COG5: variants seen among roughly 807,000 people sequenced by gnomAD.
COG5 encodes conserved oligomeric Golgi complex subunit 5.
In COG5, 86 loss-of-function variants were observed where a neutral mutation model predicts 110.4. The ratio of observed to expected loss-of-function variants is 0.78; its 90% CI spans 0.65 to 0.93. The LOEUF is 0.93. Ranked by LOEUF, COG5 falls within the 40% of genes least tolerant of loss-of-function variation. The pLI is 0.00. For synonymous variants in COG5, 360 were observed against 334.6 expected, an observed-to-expected ratio of 1.08 and a Z score of -0.83; for missense variants, 1,077 against 987.0, an observed-to-expected ratio of 1.09 and a Z score of -1.22.
chr7:107,376,496 C>T (rs1435191518), intron 7 of COG5, among the ~76,000 whole-genome samples: 2 of 151,598 alleles, frequency 1.3e-5, no homozygotes, highest in African/African-American at 4.8e-5. Context: ...TCTTATATAT[C>T]TTTAGTTTAA....
rs184227560 is a variant in COG5 at position 107,439,072 on chromosome 7, C to T, written c.539-26440G>A. ...TCTTCTCTTCTAATGATCCTGTGTT[C>T]AACCCAATTTCTGCTACCCAATCCC... On this transcript the variant is annotated intron_variant, in intron 6 of 21. Transcript: ENST00000297135. Among the ~76,000 whole-genome samples, 69 of 152,212 alleles carry T rather than the reference C, an allele frequency of 4.5e-4. 1 individual carries two copies. The highest frequency in any genetic ancestry group is 1.3e-4 in the Non-Finnish European group (9 of 68,016).
At chr7:107,543,789 G>A (rs1391004245) in intron 5 of COG5, among the ~76,000 whole-genome samples, 2 of 152,070 alleles carry the variant, frequency 1.3e-5, no homozygotes, top group Non-Finnish European at 2.9e-5. Context: ...CACATTCCAA[G>A]TCAGCCCCTG....
chr7:107,345,638 G>A (rs899429097), intron 10 of COG5, among the ~76,000 whole-genome samples: 26 of 152,240 alleles, frequency 1.7e-4, no homozygotes, highest in South Asian at 4.2e-4. Flanking sequence ...GAGATCTGTT[G>A]CACAACCGAG....
chr7:107,392,805 T>C (rs894486735), intron 7 of COG5, among the ~76,000 whole-genome samples: 2 of 152,276 alleles, frequency 1.3e-5, no homozygotes, highest in Admixed American at 6.5e-5. Flanking sequence ...CTTGGCATGA[T>C]TGCCACCAAT....
chr7:107,546,510 G>A (rs1236709177), intron 5 of COG5, among the ~76,000 whole-genome samples: 1 of 140,894 alleles, frequency 7.1e-6, no homozygotes, highest in East Asian at 2.1e-4. Flanking sequence ...ATCTTGGCTC[G>A]CTGCAACTTC....
In COG5 at chr7:107,297,443, CT is replaced by C. The variant is rs71314693; in HGVS notation, c.1313+698del. On this transcript the variant is annotated intron_variant, in intron 12 of 21. Transcript: ENST00000297135. ...TACCCAAGGGATGAGTACATTCTGC[CT>C]TTTTTTTTTTTTTTTTTTTTTTGAG... 3.9e-3 allele frequency among the ~76,000 whole-genome samples: 301 copies of C among 77,966 alleles called. 1 individual carries two copies. Among genetic ancestry groups the C allele is most frequent in the South Asian group, 8.7e-3 (17 of 1,952 alleles). 51.1% of individuals were successfully genotyped at this position (77,966 alleles called of 152,430 possible).
intron 6 of COG5, among the ~76,000 whole-genome samples, chr7:107,498,209 A>T (rs1241048188): frequency 6.6e-6 from 1 of 152,218 alleles, no homozygotes; most frequent in East Asian, 1.9e-4. Context: ...AAAACTCTGT[A>T]CCATTGGTCT....
At chr7:107,383,497 C>G (rs1815306895) in intron 7 of COG5, among the ~76,000 whole-genome samples, 1 of 152,160 alleles carries the variant, frequency 6.6e-6, no homozygotes, top group Admixed American at 6.5e-5. Context: ...ACAGTAGGTG[C>G]TAGAGAGACA....
intron 6 of COG5, among the ~76,000 whole-genome samples, chr7:107,500,861 C>T (rs1019901847): frequency 2.0e-5 from 3 of 148,636 alleles, no homozygotes; most frequent in African/African-American, 4.8e-5. Flanking sequence ...ATCATGCCTC[C>T]CTGCCCTGTT....
chr7:107,203,516 T>C lies in COG5; in HGVS notation c.2490A>G (p.Ter830=), dbSNP rs1798510703. 6.2e-7 allele frequency: 1 copy of C among 1,602,808 alleles called. No individual in the cohort carries two copies. The highest frequency in any genetic ancestry group is 8.5e-7 in the Non-Finnish European group (1 of 1,169,782). The stretch of plus-strand genomic sequence containing the variant: ...GGAGATGAACAAAGATTTCATGTCA[T>C]TACTGAAGAGCAGACATAGCCTTTT... ...LLQKAMSALQ[*] The change falls in exon 22 of 22, where the codon TAA becomes TAG. Residue 830 remains the stop codon, a stop_retained_variant. Coordinates refer to ENST00000297135, the MANE Select transcript of COG5 (RefSeq NM_006348.5).
intron 5 of COG5, among the ~76,000 whole-genome samples, chr7:107,545,910 C>T (rs878935737): frequency 5.3e-5 from 8 of 151,466 alleles, no homozygotes; most frequent in South Asian, 4.2e-4. Flanking sequence ...CCAACAGCAG[C>T]GGAATACACA....
intron 10 of COG5, among the ~76,000 whole-genome samples, chr7:107,336,737 G>C (rs1361974486): frequency 6.6e-6 from 1 of 152,068 alleles, no homozygotes; most frequent in East Asian, 1.9e-4. Context: ...CAGGGTTTTT[G>C]AATTGTAATT....
chr7:107,365,340 A>C (rs1420045399), intron 8 of COG5, among the ~76,000 whole-genome samples: 1 of 152,110 alleles, frequency 6.6e-6, no homozygotes, highest in Non-Finnish European at 1.5e-5. Context: ...AACAAAAGAT[A>C]GAAAATGTCA....
chr7:107,533,470 T>G (rs1236700190), intron 5 of COG5, among the ~76,000 whole-genome samples: 1 of 151,324 alleles, frequency 6.6e-6, no homozygotes, highest in African/African-American at 2.5e-5. Context: ...TTAAAGAACA[T>G]AAATGACCTG....
At chr7:107,242,029 G>A (rs1279112393) in intron 17 of COG5, among the ~76,000 whole-genome samples, 1 of 152,104 alleles carries the variant, frequency 6.6e-6, no homozygotes, top group Non-Finnish European at 1.5e-5. Flanking sequence ...CAGTCTGCCC[G>A]CCTCAGCCTC....
At chr7:107,472,160 A>G (rs1156430327) in intron 6 of COG5, 2 of 152,040 alleles carry the variant, frequency 1.3e-5, no homozygotes, top group African/African-American at 2.4e-5. Context: ...TTTAAAGCAA[A>G]ACAAATACAA....
intron 7 of COG5, among the ~76,000 whole-genome samples, chr7:107,408,049 G>C (rs1791993481): frequency 6.6e-6 from 1 of 152,218 alleles, no homozygotes; most frequent in Non-Finnish European, 1.5e-5. Flanking sequence ...GACTAATACA[G>C]TAATCAGGAT....
At chr7:107,341,764 A>G (rs1433303821) in intron 10 of COG5, among the ~76,000 whole-genome samples, 2 of 152,146 alleles carry the variant, frequency 1.3e-5, no homozygotes, top group Non-Finnish European at 2.9e-5. Context: ...AAAGTCTACA[A>G]AAATAAGCAA....
chr7:107,389,552 G>C (rs1433994857), intron 7 of COG5, among the ~76,000 whole-genome samples: 1 of 152,180 alleles, frequency 6.6e-6, no homozygotes, highest in Non-Finnish European at 1.5e-5. Context: ...TGTGCTAAAG[G>C]ACAAAGCTGG....
Sources: allele counts gnomAD v4.1 joint callset (sites outside exome capture counted in the v4.1 genomes callset), GRCh38; gene constraint gnomAD v4.1.1; transcripts MANE v1.5; gene names NCBI Gene and HGNC (gene_info 2026-07-23, HGNC 2026-07-21).